The following MGAT5 variants were observed in gnomAD, a reference collection of about 807,000 sequenced individuals.
MGAT5 encodes the protein alpha-1,6-mannosylglycoprotein 6-beta-N-acetylglucosaminyltransferase A.
MGAT5 carries 30 observed loss-of-function variants against 94.3 expected under a neutral mutation model. That is an observed-to-expected ratio of 0.32 (90% CI 0.24 to 0.43). The LOEUF (loss-of-function observed/expected upper bound fraction) is 0.43, where lower values mean the gene tolerates loss of function less well. MGAT5 is among the 20% of genes least tolerant of loss of function. MGAT5 has a pLI of 1.00. For missense variants in MGAT5, 691 were observed against 905.5 expected, an observed-to-expected ratio of 0.76 and a Z score of 3.04; for synonymous variants, 310 against 322.9, an observed-to-expected ratio of 0.96 and a Z score of 0.43.
intron 2 of MGAT5, among the ~76,000 whole-genome samples, chr2:134,286,468 A>G (rs11687291): frequency 0.1 from 15,185 of 151,610 alleles, 874 homozygotes; most frequent in South Asian, 0.25. Context: ...GTCTCGCTCT[A>G]TTGCCTAGGC....
chr2:134,426,864 G>C (rs775292159), intron 13 of MGAT5, among the ~76,000 whole-genome samples: 2 of 152,232 alleles, frequency 1.3e-5, no homozygotes, highest in Non-Finnish European at 2.9e-5. Flanking sequence ...GAGATGAGCT[G>C]TCTAGGAATA....
chr2:134,333,961 G>C (rs1358546490), intron 4 of MGAT5, among the ~76,000 whole-genome samples: 1 of 152,084 alleles, frequency 6.6e-6, no homozygotes, highest in Non-Finnish European at 1.5e-5. Context: ...TTGTTAACCA[G>C]TTATCCTATC....
intron 1 of MGAT5, among the ~76,000 whole-genome samples, chr2:134,189,609 T>TTTTTTTTTGTTTTG (rs1689260091): frequency 7.5e-6 from 1 of 134,070 alleles, no homozygotes; most frequent in African/African-American, 2.9e-5. Context: ...TTTGTTTTTT[T>TTTTTTTTTGTTTTG]TTTTTTTTTT....
At chr2:134,379,296 C>T (rs957697245) in intron 10 of MGAT5, among the ~76,000 whole-genome samples, 1 of 152,252 alleles carries the variant, frequency 6.6e-6, no homozygotes, top group Non-Finnish European at 1.5e-5. Flanking sequence ...CTAGTATTCC[C>T]GTCTCCAAGA....
At chr2:134,183,117 G>A (rs1020618798) in intron 1 of MGAT5, among the ~76,000 whole-genome samples, 2 of 152,098 alleles carry the variant, frequency 1.3e-5, no homozygotes, top group Non-Finnish European at 2.9e-5. Flanking sequence ...CCAATTTCTT[G>A]GTTTTGATTC....
At chr2:134,323,591 A>G (rs1209463703) in intron 4 of MGAT5, among the ~76,000 whole-genome samples, 1 of 152,098 alleles carries the variant, frequency 6.6e-6, no homozygotes, top group African/African-American at 2.4e-5. Context: ...TGTCTCCTTT[A>G]TGATGAAGGA....
At chr2:134,316,453 TGGG>T (rs1687003739) in intron 2 of MGAT5, among the ~76,000 whole-genome samples, 1 of 152,120 alleles carries the variant, frequency 6.6e-6, no homozygotes, top group Non-Finnish European at 1.5e-5. Context: ...CTTTGGAGAG[TGGG>T]TTGGGTATCT....
intron 1 of MGAT5, among the ~76,000 whole-genome samples, chr2:134,248,099 C>T (rs1682386643): frequency 6.6e-6 from 1 of 152,212 alleles, no homozygotes; most frequent in African/African-American, 2.4e-5. Flanking sequence ...AACCCTGCCT[C>T]TTCAAGGGTT....
At chr2:134,332,000 TG>T (rs1688003871) in intron 4 of MGAT5, among the ~76,000 whole-genome samples, 1 of 151,428 alleles carries the variant, frequency 6.6e-6, no homozygotes, top group South Asian at 2.1e-4. Context: ...ATCATGAAAA[TG>T]GCCGTACTGC....
At chr2:134,153,680 G>C (rs1359058296) in intron 1 of MGAT5, among the ~76,000 whole-genome samples, 1 of 152,182 alleles carries the variant, frequency 6.6e-6, no homozygotes, top group Non-Finnish European at 1.5e-5. Flanking sequence ...CTGTCTCGGA[G>C]GAGTTTTCTG....
intron 9 of MGAT5, among the ~76,000 whole-genome samples, chr2:134,350,981 G>C (rs535392047): frequency 3.1e-4 from 47 of 152,196 alleles, no homozygotes; most frequent in East Asian, 1.4e-3. Context: ...ACAGCTACCT[G>C]AAGGTGACCC....
chr2:134,344,754 G>A (rs1398235471), intron 7 of MGAT5, among the ~76,000 whole-genome samples, 176 bp from the exon 8 acceptor site: 3 of 152,104 alleles, frequency 2.0e-5, no homozygotes, highest in African/African-American at 7.2e-5. Context: ...CAGGGTACTG[G>A]GTTGGCCTTA....
At chr2:134,441,304 G>A (rs1343006881) in intron 14 of MGAT5, among the ~76,000 whole-genome samples, 3 of 152,132 alleles carry the variant, frequency 2.0e-5, no homozygotes, top group Admixed American at 1.3e-4. Flanking sequence ...TTAGGTAACT[G>A]CCAAGATAGG....
At chr2:134,200,152 C>T (rs1288156149) in intron 1 of MGAT5, among the ~76,000 whole-genome samples, 1 of 128,856 alleles carries the variant, frequency 7.8e-6, no homozygotes, top group Non-Finnish European at 1.6e-5. Flanking sequence ...CCCCCCAATC[C>T]CCCCATTCCC....
intron 10 of MGAT5, among the ~76,000 whole-genome samples, chr2:134,390,492 A>C (rs970672692): frequency 6.6e-6 from 1 of 152,216 alleles, no homozygotes; most frequent in African/African-American, 2.4e-5. Context: ...TCCTAATGCT[A>C]TCTTTTTTAA....
intron 4 of MGAT5, among the ~76,000 whole-genome samples, chr2:134,318,948 C>CT (rs1307668705): frequency 6.6e-6 from 1 of 152,116 alleles, no homozygotes; most frequent in Non-Finnish European, 1.5e-5. Flanking sequence ...TAGCTATTTC[C>CT]TTTTTTTCTA....
In MGAT5 at chr2:134,268,286, T is replaced by C. The variant is rs1041041547; in HGVS notation, c.242-2100T>C. Among the ~76,000 whole-genome samples the C allele has an allele frequency of 4.9e-4, 75 of 152,358 alleles. No individual in the cohort carries two copies. The highest frequency in any genetic ancestry group is 1.6e-3 in the African/African-American group (67 of 41,590). ...AGATTGTATTCGGATTCTAGCTGGC[T>C]GATGACACAGGCTCTAGGCAAAGAG... On this transcript the variant is annotated intron_variant, in intron 1 of 15. Transcript: ENST00000281923. The surrounding 1 kb of genome is among the most constrained non-coding windows in gnomAD (Gnocchi z 4.1).
At chr2:134,170,910 G>A (rs965187494) in intron 1 of MGAT5, among the ~76,000 whole-genome samples, 5 of 150,920 alleles carry the variant, frequency 3.3e-5, no homozygotes, top group African/African-American at 9.8e-5. Context: ...CCAGGCTGGA[G>A]TGCAATGGTG....
At chr2:134,446,153 T>C (rs570632331) in intron 15 of MGAT5, among the ~76,000 whole-genome samples, 9 of 152,152 alleles carry the variant, frequency 5.9e-5, no homozygotes, top group African/African-American at 2.2e-4. Context: ...TTGAGCACTC[T>C]GCGGCGGTCT....
Sources: allele counts gnomAD v4.1 joint callset (sites outside exome capture counted in the v4.1 genomes callset), GRCh38; gene constraint gnomAD v4.1.1; non-coding constraint Gnocchi (gnomAD v3.1); transcripts MANE v1.5; gene names NCBI Gene and HGNC (gene_info 2026-07-23, HGNC 2026-07-21).